The following SMOC2 variants were observed in gnomAD, a reference collection of about 807,000 sequenced individuals.
SMOC2 encodes SPARC related modular calcium binding 2, also known as SPARC-related modular calcium-binding protein 2.
Under a neutral mutation model 61.4 loss-of-function variants are expected in SMOC2, and 39 were observed. That is an observed-to-expected ratio of 0.64 (90% CI 0.49 to 0.83). The LOEUF (loss-of-function observed/expected upper bound fraction) is 0.83. SMOC2 is among the 40% of genes least tolerant of loss of function. The pLI, the probability that SMOC2 is intolerant of heterozygous loss-of-function variation, is 0.00. For missense variants in SMOC2, 556 were observed against 592.9 expected, an observed-to-expected ratio of 0.94 and a Z score of 0.65; for synonymous variants, 247 against 239.9, an observed-to-expected ratio of 1.03 and a Z score of -0.27.
Position 168,598,835 on chromosome 6 carries a change from G to A in SMOC2, c.655G>A (p.Glu219Lys). The change falls in exon 8 of 13, where the codon GAG becomes AAG. Residue 219 changes from glutamate (E) to lysine (K), a missense_variant. By Grantham distance (56) the Glu-to-Lys change is moderately conservative (BLOSUM62 1). Transcript: ENST00000356284. The part of the protein sequence containing the change: ...NKNSVSSCDQ[E>K]HQSALEEAKQ... ...CCCCGCAGTGTCATCCTGTGACCAA[G>A]AGCACCAGTCTGCCCTGGAGGAAGC... The A allele has an allele frequency of 6.2e-7, 1 of 1,613,770 alleles. No homozygotes were observed.
chr6:168,636,483 G>T (rs906110011), intron 9 of SMOC2, among the ~76,000 whole-genome samples: 5 of 152,192 alleles, frequency 3.3e-5, no homozygotes, highest in Admixed American at 3.3e-4. Context: ...ATGATTAGCT[G>T]ATCACATGCT....
intron 6 of SMOC2, among the ~76,000 whole-genome samples, chr6:168,547,721 G>A (rs1784039863): frequency 6.6e-6 from 1 of 152,090 alleles, no homozygotes. Flanking sequence ...ACATCATGAT[G>A]TTAGACAGGG....
intron 1 of SMOC2, among the ~76,000 whole-genome samples, chr6:168,461,870 G>A (rs958651017): frequency 6.6e-6 from 1 of 152,126 alleles, no homozygotes. Flanking sequence ...GCTATTATTT[G>A]AGAAGCTGTG....
At chr6:168,599,109 C>G (rs1785413803) in intron 8 of SMOC2, 105 bp downstream of exon 8, 5 of 990,612 alleles carry the variant, frequency 5.0e-6, no homozygotes, top group South Asian at 1.6e-5. Context: ...GACACACAGT[C>G]ACACACACAC....
At chr6:168,646,934 G>A (rs1787047649) in intron 9 of SMOC2, among the ~76,000 whole-genome samples, 1 of 152,202 alleles carries the variant, frequency 6.6e-6, no homozygotes, top group Non-Finnish European at 1.5e-5. Context: ...ATATAAATTG[G>A]TGAACTTATT....
chr6:168,628,735 T>G (rs764659499), intron 9 of SMOC2, among the ~76,000 whole-genome samples: 1 of 152,264 alleles, frequency 6.6e-6, no homozygotes, highest in Non-Finnish European at 1.5e-5. Context: ...GGGACTGTGC[T>G]GAAGGCACTA....
At chr6:168,647,368 C>T (rs954188089) in intron 9 of SMOC2, among the ~76,000 whole-genome samples, 1 of 152,216 alleles carries the variant, frequency 6.6e-6, no homozygotes, top group African/African-American at 2.4e-5. Context: ...CATACAGGTT[C>T]TCAGCGGGCA....
At chr6:168,550,476 G>T (rs1784106218) in intron 7 of SMOC2, among the ~76,000 whole-genome samples, 3 of 152,182 alleles carry the variant, frequency 2.0e-5, no homozygotes, top group African/African-American at 7.2e-5. Context: ...AGCCACCTCA[G>T]AACCCCATGG....
chr6:168,557,087 C>T (rs1443814901), intron 7 of SMOC2, among the ~76,000 whole-genome samples: 1 of 152,040 alleles, frequency 6.6e-6, no homozygotes, highest in Non-Finnish European at 1.5e-5. Flanking sequence ...TTTGATTCTG[C>T]TTTAAATCAT....
At chr6:168,647,550 G>A (rs930309341) in intron 9 of SMOC2, among the ~76,000 whole-genome samples, 1 of 152,220 alleles carries the variant, frequency 6.6e-6, no homozygotes, top group Non-Finnish European at 1.5e-5. Flanking sequence ...GGGAGAAGCG[G>A]AATAGCTCCC....
At chr6:168,511,993 G>T (rs1044260845) in intron 2 of SMOC2, among the ~76,000 whole-genome samples, 1 of 152,094 alleles carries the variant, frequency 6.6e-6, no homozygotes, top group African/African-American at 2.4e-5. Context: ...AGAGAATGGT[G>T]CTGTGGAGCT....
intron 1 of SMOC2, 116 bp from the exon 2 acceptor site, chr6:168,509,799 T>G (rs1254407275): frequency 4.1e-6 from 4 of 969,648 alleles, no homozygotes; most frequent in Admixed American, 2.8e-5. Context: ...CCGGGTGGTG[T>G]TATCCCTCAA....
chr6:168,537,490 A>C (rs533701812), intron 4 of SMOC2, among the ~76,000 whole-genome samples: 1 of 152,338 alleles, frequency 6.6e-6, no homozygotes, highest in East Asian at 1.9e-4. Context: ...CTAATACAGC[A>C]CTCTGCAGGC....
rs186553199 is a variant in SMOC2 at position 168,588,052 on chromosome 6, G to A, written c.638-10766G>A. On this transcript the variant is annotated intron_variant, in intron 7 of 12. Coordinates refer to ENST00000356284, the MANE Select transcript of SMOC2 (RefSeq NM_001166412.2). Reference sequence around the variant, plus strand: ...GTGGGGGTGATTCATGTTCTGGTTCGTAAACGGTGTCCTTTTGTTTCCTCA... The same window carrying A: ...GTGGGGGTGATTCATGTTCTGGTTCATAAACGGTGTCCTTTTGTTTCCTCA... Among the ~76,000 whole-genome samples the A allele has an allele frequency of 7.0e-4, 106 of 151,744 alleles. 1 individual carries two copies. Among genetic ancestry groups the A allele is most frequent in the Middle Eastern group, 3.4e-3 (1 of 294 alleles).
intron 7 of SMOC2, among the ~76,000 whole-genome samples, chr6:168,571,816 T>C (rs9456205): frequency 0.23 from 28,936 of 123,788 alleles, 3,261 homozygotes; most frequent in Middle Eastern, 0.4. Context: ...CCCGCATCCC[T>C]GGGTGCTGGG....
chr6:168,573,826 C>G (rs1018794216), intron 7 of SMOC2, among the ~76,000 whole-genome samples: 1 of 152,192 alleles, frequency 6.6e-6, no homozygotes, highest in Admixed American at 6.5e-5. Context: ...ATCCCACTAA[C>G]GATCCAGTGG....
intron 7 of SMOC2, among the ~76,000 whole-genome samples, chr6:168,571,758 C>T (rs573745331): frequency 2.0e-5 from 3 of 152,262 alleles, no homozygotes; most frequent in East Asian, 3.9e-4. Context: ...ATGTTTCCGA[C>T]GTTGAGTCCT....
chr6:168,655,523 C>T (rs1285597430), intron 11 of SMOC2: 1 of 426,316 alleles, frequency 2.3e-6, no homozygotes, highest in African/African-American at 2.0e-5. Context: ...TCCCACTGCA[C>T]ATGCGTGCTA....
chr6:168,622,694 C>T (rs1315269620), intron 9 of SMOC2, among the ~76,000 whole-genome samples: 1 of 152,126 alleles, frequency 6.6e-6, no homozygotes, highest in Non-Finnish European at 1.5e-5. Flanking sequence ...TATTTCCAAG[C>T]CCTTTCCACC....
Sources: allele counts gnomAD v4.1 joint callset (sites outside exome capture counted in the v4.1 genomes callset), GRCh38; gene constraint gnomAD v4.1.1; transcripts MANE v1.5; gene names NCBI Gene and HGNC (gene_info 2026-07-23, HGNC 2026-07-21).